The following BEND7 variants were observed in gnomAD, a reference collection of about 807,000 sequenced individuals.
The protein encoded by BEND7 is BEN domain containing 7, also known as BEN domain-containing protein 7.
Under a neutral mutation model 50.9 loss-of-function variants are expected in BEND7, and 28 were observed. The observed-to-expected ratio is 0.55, with a 90% CI of 0.41 to 0.75. The LOEUF is 0.75. BEND7 is among the 30% of genes least tolerant of loss of function. The pLI, the probability that BEND7 is intolerant of heterozygous loss-of-function variation, is 0.00. For synonymous variants in BEND7, 170 were observed against 183.9 expected (o/e 0.92, Z 0.61); for missense variants, 477 against 491.3 (o/e 0.97, Z 0.28).
intron 6 of BEND7, among the ~76,000 whole-genome samples, chr10:13,461,759 C>T (rs1235881834): frequency 6.6e-6 from 1 of 152,016 alleles, no homozygotes; most frequent in Non-Finnish European, 1.5e-5. Flanking sequence ...AATGCTTGGC[C>T]TGCACCTCAC....
chr10:13,487,802 A>C (rs981366809), intron 5 of BEND7, among the ~76,000 whole-genome samples: 1 of 152,124 alleles, frequency 6.6e-6, no homozygotes, highest in African/African-American at 2.4e-5. Context: ...TTAAGAAAAC[A>C]GATTTCAAGG....
At chr10:13,516,739 T>G (rs956802279) in intron 2 of BEND7, among the ~76,000 whole-genome samples, 7 of 151,878 alleles carry the variant, frequency 4.6e-5, no homozygotes, top group Admixed American at 3.3e-4. Flanking sequence ...GAAAAAAAAA[T>G]TATTTAACAA....
intron 3 of BEND7, among the ~76,000 whole-genome samples, chr10:13,497,409 ACT>A (rs965323100): frequency 1.3e-5 from 2 of 152,142 alleles, no homozygotes; most frequent in Non-Finnish European, 2.9e-5. Context: ...CTTTTAGAAT[ACT>A]CTCTGGGTGT....
intron 5 of BEND7, among the ~76,000 whole-genome samples, chr10:13,488,802 G>C (rs60860292): frequency 0.011 from 1,672 of 152,262 alleles, 39 homozygotes; most frequent in African/African-American, 0.038. Flanking sequence ...ACTGTATTTA[G>C]ATCTGAAATT....
At chr10:13,481,251 GCTTT>G (rs1400136353) in intron 5 of BEND7, 127 bp from the exon 6 acceptor site, 7 of 875,664 alleles carry the variant, frequency 8.0e-6, no homozygotes, top group South Asian at 3.7e-5. Context: ...AACACTCTTG[GCTTT>G]CTTTGTCTGC....
At chr10:13,515,106 T>C (rs2078569200) in intron 2 of BEND7, among the ~76,000 whole-genome samples, 1 of 152,198 alleles carries the variant, frequency 6.6e-6, no homozygotes. Flanking sequence ...ATCATGATAA[T>C]GTAAAGGTAT....
At chr10:13,517,954 G>A (rs575420357) in intron 2 of BEND7, among the ~76,000 whole-genome samples, 12 of 152,234 alleles carry the variant, frequency 7.9e-5, no homozygotes, top group Non-Finnish European at 1.5e-4. Flanking sequence ...GACTTCCCGC[G>A]CCAACATCCC....
intron 5 of BEND7, among the ~76,000 whole-genome samples, chr10:13,488,166 A>C (rs908842867): frequency 2.6e-5 from 4 of 151,988 alleles, no homozygotes; most frequent in Non-Finnish European, 5.9e-5. Context: ...TATCTTCTGA[A>C]AACTTTTAAA....
chr10:13,480,439 T>G (rs2075773966), intron 6 of BEND7, among the ~76,000 whole-genome samples: 1 of 151,996 alleles, frequency 6.6e-6, no homozygotes, highest in African/African-American at 2.4e-5. Context: ...GTAAGGTCAC[T>G]TAGATTTAAA....
intron 6 of BEND7, among the ~76,000 whole-genome samples, chr10:13,472,618 T>C (rs966190231): frequency 6.6e-6 from 1 of 151,526 alleles, no homozygotes; most frequent in African/African-American, 2.4e-5. Flanking sequence ...AGACTTGGGA[T>C]TGATACCCGT....
intron 6 of BEND7, among the ~76,000 whole-genome samples, chr10:13,462,296 G>A (rs1840375658): frequency 6.6e-6 from 1 of 152,196 alleles, no homozygotes; most frequent in Non-Finnish European, 1.5e-5. Flanking sequence ...CAATCACCGT[G>A]GAAGGCAAAG....
At position 13,528,510 on chromosome 10, in the gene BEND7, T is replaced by G. The variant is rs1349806782; in HGVS notation, c.24A>C (p.Arg8Ser). 9.6e-7 allele frequency: 1 copy of G among 1,038,390 alleles called. No homozygotes were observed. The highest frequency in any genetic ancestry group is 5.4e-5 in the Admixed American group (1 of 18,470). 64.3% of individuals were successfully genotyped at this position (1,038,390 alleles called of 1,614,324 possible). Residue 8 changes from arginine (R) to serine (S), a missense_variant, in exon 1 of 9, where the codon AGA becomes AGC. Physicochemically the swap from Arg to Ser is moderately radical, Grantham distance 110. Coordinates refer to ENST00000466271, the MANE Select transcript of BEND7 (RefSeq NM_001369863.1). Reference protein sequence around the residue: MEFSERKRSRKSQSFKLV... With the variant: MEFSERKSSRKSQSFKLV... ...GTTTGAAGCTCTGGGATTTCCTGCTTCTTTTCCTCTCGGAGAACTCCATGG... is the reference window on the plus strand; with the variant it reads ...GTTTGAAGCTCTGGGATTTCCTGCTGCTTTTCCTCTCGGAGAACTCCATGG...
intron 5 of BEND7, among the ~76,000 whole-genome samples, chr10:13,486,554 C>T (rs2076239552): frequency 6.6e-6 from 1 of 151,992 alleles, no homozygotes; most frequent in Non-Finnish European, 1.5e-5. Flanking sequence ...TTTCATTAAG[C>T]AAAAAATGCT....
chr10:13,439,603 C>T (rs1169428287), downstream of BEND7: 1 of 1,121,928 alleles, frequency 8.9e-7, no homozygotes, highest in Non-Finnish European at 1.2e-6. Flanking sequence ...GCAAGTGACA[C>T]CCCTCCTGGT....
intron 2 of BEND7, among the ~76,000 whole-genome samples, chr10:13,508,901 C>A (rs529497098): frequency 6.6e-6 from 1 of 152,346 alleles, no homozygotes; most frequent in East Asian, 1.9e-4. Flanking sequence ...GCACGGCGGT[C>A]AACCCCAGCC....
intron 2 of BEND7, among the ~76,000 whole-genome samples, chr10:13,518,872 T>C (rs147362774): frequency 0.012 from 1,776 of 152,344 alleles, 20 homozygotes; most frequent in Middle Eastern, 0.024. Context: ...AAATCACATA[T>C]CTGAGGACCT....
chr10:13,499,111 G>A (rs929846883), intron 3 of BEND7, among the ~76,000 whole-genome samples: 3 of 151,898 alleles, frequency 2.0e-5, no homozygotes, highest in Non-Finnish European at 4.4e-5. Context: ...CAGTGTGGCC[G>A]GATAGAAAAC....
intron 7 of BEND7, among the ~76,000 whole-genome samples, chr10:13,451,295 C>T (rs1588647205): frequency 6.6e-6 from 1 of 151,724 alleles, no homozygotes; most frequent in Admixed American, 6.6e-5. Flanking sequence ...CTCAAGTGAT[C>T]CTCCCATCTT....
At chr10:13,470,932 A>C (rs918283596) in intron 6 of BEND7, among the ~76,000 whole-genome samples, 22 of 152,248 alleles carry the variant, frequency 1.4e-4, no homozygotes, top group African/African-American at 5.3e-4. Context: ...TTCTGGAGGC[A>C]AAAGGCTTTC....
Sources: allele counts gnomAD v4.1 joint callset (sites outside exome capture counted in the v4.1 genomes callset), GRCh38; gene constraint gnomAD v4.1.1; transcripts MANE v1.5; gene names NCBI Gene and HGNC (gene_info 2026-07-23, HGNC 2026-07-21).